ADGRL3: variants seen among roughly 807,000 people sequenced by gnomAD.
ADGRL3 encodes the protein adhesion G protein-coupled receptor L3.
In ADGRL3, 62 loss-of-function variants were observed where a neutral mutation model predicts 153.5. The observed-to-expected ratio is 0.40, with a 90% CI of 0.33 to 0.50. ADGRL3 has a LOEUF of 0.50. Among genes scored for constraint, ADGRL3 ranks in the 20% least tolerant of loss-of-function variants. The pLI, the probability that ADGRL3 is intolerant of heterozygous loss-of-function variation, is 0.47. For synonymous variants in ADGRL3, 710 were observed against 672.5 expected, an observed-to-expected ratio of 1.06 and a Z score of -0.86; for missense variants, 1,641 against 1,859.4, an observed-to-expected ratio of 0.88 and a Z score of 2.16.
At chr4:61,832,812 CTTT>C (rs11340246) in intron 9 of ADGRL3, among the ~76,000 whole-genome samples, 18 of 137,004 alleles carry the variant, frequency 1.3e-4, no homozygotes, top group Admixed American at 2.9e-4. Context: ...TTTTCTTTTT[CTTT>C]TTTTTTTTTT....
intron 8 of ADGRL3, among the ~76,000 whole-genome samples, chr4:61,746,487 C>A (rs924688192): frequency 3.4e-4 from 51 of 152,100 alleles, no homozygotes; most frequent in Non-Finnish European, 5.9e-5. Context: ...TGTAAAAGAA[C>A]AGAAATTATA....
At chr4:61,890,854 T>C (rs1436119626) in intron 9 of ADGRL3, among the ~76,000 whole-genome samples, 2 of 152,232 alleles carry the variant, frequency 1.3e-5, no homozygotes, top group African/African-American at 4.8e-5. Context: ...CACTTTTTTT[T>C]AAGCTAATAC....
intron 5 of ADGRL3, among the ~76,000 whole-genome samples, chr4:61,600,035 C>A (rs898328292): frequency 6.6e-6 from 1 of 151,982 alleles, no homozygotes; most frequent in Non-Finnish European, 1.5e-5. Context: ...ATGGGCGAGG[C>A]GTGGTGGCTC....
At position 61,978,971 on chromosome 4, in the gene ADGRL3, C is replaced by A. The variant is rs927421720; in HGVS notation, c.2806-592C>A. Among the ~76,000 whole-genome samples the A allele has an allele frequency of 3.3e-5, 5 of 152,118 alleles. No individual in the cohort carries two copies. The East Asian group carries it at 7.8e-4, about 24-fold the overall frequency. ...AATATCCTAATTCTTTTAGATCTTC[C>A]CCAAAATAAATAGTGCACATGTGTG... On this transcript the variant is annotated intron_variant, in intron 17 of 26. Coordinates refer to ENST00000683033, the MANE Select transcript of ADGRL3 (RefSeq NM_001387552.1).
At position 61,448,492 on chromosome 4, in the gene ADGRL3, G is replaced by A. The variant is rs530297636; in HGVS notation, c.-173-48629G>A. 1.6e-4 allele frequency among the ~76,000 whole-genome samples: 24 copies of A among 152,058 alleles called. No individual in the cohort carries two copies. In the South Asian group the frequency reaches 4.8e-3, roughly 30 times the overall value. ...TGCCCTAGTTTTTGTCTTTATTTAT[G>A]GAATAAGAATAATAAAAATACTTTA... On this transcript the variant is annotated intron_variant, in intron 2 of 26. Coordinates refer to ENST00000683033, the MANE Select transcript of ADGRL3 (RefSeq NM_001387552.1).
At chr4:61,992,716 A>C (rs2099107758) in intron 19 of ADGRL3, among the ~76,000 whole-genome samples, 1 of 152,206 alleles carries the variant, frequency 6.6e-6, no homozygotes, top group African/African-American at 2.4e-5. Context: ...AATAGATATA[A>C]AATTTTTTCT....
chr4:61,576,387 A>T (rs2098882822), intron 4 of ADGRL3, among the ~76,000 whole-genome samples: 1 of 151,516 alleles, frequency 6.6e-6, no homozygotes, highest in Non-Finnish European at 1.5e-5. Context: ...CATCCTGATT[A>T]TTTTTTGTGC....
chr4:62,037,400 T>C (rs1194392344), intron 23 of ADGRL3, among the ~76,000 whole-genome samples: 3 of 152,126 alleles, frequency 2.0e-5, no homozygotes, highest in Non-Finnish European at 4.4e-5. Context: ...ATCAAATTTA[T>C]GAAGCTAAAA....
At chr4:61,539,346 G>A (rs908258991) in intron 4 of ADGRL3, among the ~76,000 whole-genome samples, 17 of 152,180 alleles carry the variant, frequency 1.1e-4, no homozygotes, top group African/African-American at 3.6e-4. Context: ...TTCTCTCCAC[G>A]CCTATTCCTT....
At chr4:61,992,939 T>G (rs1244275916) in intron 19 of ADGRL3, among the ~76,000 whole-genome samples, 1 of 152,164 alleles carries the variant, frequency 6.6e-6, no homozygotes, top group Non-Finnish European at 1.5e-5. Context: ...GTTAATAATA[T>G]AATTAAAGGT....
chr4:61,812,973 T>C (rs2097647931), intron 8 of ADGRL3, among the ~76,000 whole-genome samples: 1 of 152,238 alleles, frequency 6.6e-6, no homozygotes, highest in African/African-American at 2.4e-5. Flanking sequence ...AAATATAAAT[T>C]AATCATAATT....
chr4:61,317,895 G>A (rs1354477491), intron 1 of ADGRL3, among the ~76,000 whole-genome samples: 7 of 151,984 alleles, frequency 4.6e-5, no homozygotes, highest in African/African-American at 1.7e-4. Flanking sequence ...AATATATAGG[G>A]ACAGGCATGG....
At chr4:61,500,483 A>G (rs769144829) in intron 3 of ADGRL3, among the ~76,000 whole-genome samples, 15 of 152,194 alleles carry the variant, frequency 9.9e-5, no homozygotes, top group African/African-American at 1.7e-4. Flanking sequence ...TAGAGTCCCT[A>G]TCAATCCTGG....
At chr4:61,456,447 CTATATCTATATA>C (rs1560665015) in intron 2 of ADGRL3, among the ~76,000 whole-genome samples, 1 of 102,486 alleles carries the variant, frequency 9.8e-6, no homozygotes, top group African/African-American at 3.9e-5. Context: ...ATAGATATAT[CTATATCTATATA>C]TATAGATATA....
At chr4:62,026,258 G>C (rs922342523) in intron 21 of ADGRL3, among the ~76,000 whole-genome samples, 6 of 152,206 alleles carry the variant, frequency 3.9e-5, no homozygotes, top group Admixed American at 1.3e-4. Context: ...ACATAAATAA[G>C]CAGCTTCCAT....
intron 21 of ADGRL3, among the ~76,000 whole-genome samples, chr4:62,014,837 C>T (rs758784294): frequency 1.3e-5 from 2 of 152,164 alleles, no homozygotes; most frequent in Admixed American, 6.6e-5. Flanking sequence ...CCTAACGTGT[C>T]ACCATACTCC....
At chr4:61,386,193 T>G (rs1466130192) in intron 2 of ADGRL3, among the ~76,000 whole-genome samples, 6 of 152,172 alleles carry the variant, frequency 3.9e-5, no homozygotes, top group African/African-American at 1.4e-4. Flanking sequence ...AAATGAAGAT[T>G]ATTTTACTAA....
At chr4:61,612,765 A>G (rs1450010231) in intron 5 of ADGRL3, among the ~76,000 whole-genome samples, 1 of 152,138 alleles carries the variant, frequency 6.6e-6, no homozygotes, top group Non-Finnish European at 1.5e-5. Flanking sequence ...ATTACTCTGA[A>G]CACCCTTAAT....
Position 61,617,650 on chromosome 4 carries a change from C to G in ADGRL3, c.473+30210C>G, listed in dbSNP as rs539121934. ...ATAAAATGGGATAAGTAAGAGGTAG[C>G]AAAAAATTCAAACAGCATCTGCTCC... On this transcript the variant is annotated intron_variant, in intron 5 of 26. Coordinates refer to ENST00000683033, the MANE Select transcript of ADGRL3 (RefSeq NM_001387552.1). 3.8e-4 allele frequency among the ~76,000 whole-genome samples: 58 copies of G among 152,246 alleles called. 1 individual carries two copies. The South Asian group carries it at 0.012, about 32-fold the overall frequency.
Sources: gnomAD v4.1 joint callset for allele counts (sites outside exome capture counted in the v4.1 genomes callset) on GRCh38, gnomAD v4.1.1 for gene constraint, MANE v1.5 for transcripts, NCBI Gene and HGNC (gene_info 2026-07-23, HGNC 2026-07-21) for gene names.